PDE7B: variants seen among roughly 807,000 people sequenced by gnomAD.
PDE7B encodes phosphodiesterase 7B, also known as 3',5'-cyclic-AMP phosphodiesterase 7B.
Under a neutral mutation model 56.2 loss-of-function variants are expected in PDE7B, and 29 were observed. That is an observed-to-expected ratio of 0.52 (90% confidence interval 0.38 to 0.70). The LOEUF is 0.70. PDE7B is among the 30% of genes least tolerant of loss of function. The pLI, the probability that PDE7B is intolerant of heterozygous loss-of-function variation, is 0.00. For missense variants in PDE7B, 490 were observed against 565.0 expected, an observed-to-expected ratio of 0.87 and a Z score of 1.35; for synonymous variants, 197 against 196.9, an observed-to-expected ratio of 1.00 and a Z score of 0.00.
intron 2 of PDE7B, among the ~76,000 whole-genome samples, chr6:136,032,876 C>T (rs1776265208): frequency 6.6e-6 from 1 of 152,094 alleles, no homozygotes; most frequent in Non-Finnish European, 1.5e-5. Flanking sequence ...GCCATCATAC[C>T]CATTTATAGA....
intron 2 of PDE7B, among the ~76,000 whole-genome samples, chr6:136,040,042 ACT>A (rs1776388741): frequency 6.6e-6 from 1 of 152,140 alleles, no homozygotes; most frequent in African/African-American, 2.4e-5. Context: ...AAAAAGCAAT[ACT>A]CTGGAGAAAA....
intron 1 of PDE7B, among the ~76,000 whole-genome samples, chr6:135,907,168 A>G (rs1179018181): frequency 1.8e-4 from 27 of 152,160 alleles, no homozygotes. Context: ...TGCTTTTTAT[A>G]AAATTCCTGG....
At chr6:136,117,649 T>C (rs1269007375) in intron 3 of PDE7B, among the ~76,000 whole-genome samples, 1 of 152,202 alleles carries the variant, frequency 6.6e-6, no homozygotes, top group African/African-American at 2.4e-5. Flanking sequence ...AATGCCACTA[T>C]ATCTAACAAC....
chr6:135,929,249 A>T (rs192305011), intron 1 of PDE7B, among the ~76,000 whole-genome samples: 7 of 149,578 alleles, frequency 4.7e-5, no homozygotes, highest in Non-Finnish European at 1.0e-4. Flanking sequence ...GTTACATCAT[A>T]TTTTTTTTTT....
Position 136,179,924 on chromosome 6 carries a change from T to C in PDE7B, c.948+783T>C, listed in dbSNP as rs1020988994. On this transcript the variant is annotated intron_variant, in intron 10 of 12. Coordinates refer to ENST00000308191, the MANE Select transcript of PDE7B (RefSeq NM_018945.4). ...CCACGGCAAGAAGCCATTTGTGACA[T>C]GACAAATTACATCAGGGCAGAGTGG... Among the ~76,000 whole-genome samples the C allele has an allele frequency of 5.9e-5, 9 of 152,250 alleles. No homozygotes were observed. The South Asian group carries it at 1.7e-3, about 28-fold the overall frequency.
At chr6:135,982,518 G>T (rs1775314993) in intron 2 of PDE7B, among the ~76,000 whole-genome samples, 1 of 152,124 alleles carries the variant, frequency 6.6e-6, no homozygotes, top group Non-Finnish European at 1.5e-5. Flanking sequence ...TGCTAAGGAA[G>T]GGGCAGTCTA....
At chr6:135,926,310 A>T (rs1181833551) in intron 1 of PDE7B, among the ~76,000 whole-genome samples, 2 of 152,040 alleles carry the variant, frequency 1.3e-5, no homozygotes, top group East Asian at 3.9e-4. Flanking sequence ...GATGGTCTCA[A>T]TCTCCTGACC....
intron 2 of PDE7B, among the ~76,000 whole-genome samples, chr6:136,002,165 C>T (rs919687776): frequency 2.2e-4 from 34 of 152,124 alleles, no homozygotes; most frequent in Non-Finnish European, 1.9e-4. Context: ...GATTTTGTCA[C>T]CACCAGGCCT....
At chr6:135,966,653 C>A (rs1203122089) in intron 2 of PDE7B, among the ~76,000 whole-genome samples, 4 of 152,070 alleles carry the variant, frequency 2.6e-5, no homozygotes, top group African/African-American at 9.7e-5. Flanking sequence ...CCCTTTTTGT[C>A]TGAGAACCAT....
intron 2 of PDE7B, among the ~76,000 whole-genome samples, chr6:136,031,505 C>T (rs1288577666): frequency 1.3e-5 from 2 of 151,890 alleles, no homozygotes. Context: ...TTTGGGAGGC[C>T]GAGGCGGGCG....
chr6:136,062,111 G>C (rs1384764376), intron 2 of PDE7B, among the ~76,000 whole-genome samples: 2 of 152,178 alleles, frequency 1.3e-5, no homozygotes, highest in Admixed American at 6.5e-5. Flanking sequence ...ATACTGGAGT[G>C]GTTGTGAACT....
Position 136,004,649 on chromosome 6 carries a change from A to T in PDE7B, c.82+57125A>T, listed in dbSNP as rs1162630952. Among the ~76,000 whole-genome samples the T allele has an allele frequency of 4.6e-5, 7 of 151,866 alleles. No homozygotes were observed. In the South Asian group the frequency reaches 6.2e-4, roughly 14 times the overall value. ...TACCTAGGAATCCAACTTACAAGGG[A>T]TGTGAAGGACCTCTTCAAGGAGAAC... On this transcript the variant is annotated intron_variant, in intron 2 of 12. Transcript: ENST00000308191.
chr6:136,108,863 GAA>G (rs111919004), intron 3 of PDE7B, 49 bp downstream of exon 3: 11 of 914,766 alleles, frequency 1.2e-5, no homozygotes, highest in East Asian at 3.0e-5. Flanking sequence ...TCTTCAAAAA[GAA>G]AAAAAAAAAT....
intron 2 of PDE7B, among the ~76,000 whole-genome samples, chr6:135,979,529 C>G (rs1405186711): frequency 3.3e-5 from 5 of 151,906 alleles, no homozygotes; most frequent in Admixed American, 3.3e-4. Flanking sequence ...GGTTGGTAAG[C>G]TATTGATTAT....
intron 3 of PDE7B, among the ~76,000 whole-genome samples, chr6:136,127,498 T>C (rs1778043051): frequency 6.6e-6 from 1 of 152,246 alleles, no homozygotes; most frequent in Non-Finnish European, 1.5e-5. Context: ...CTAAGGCTAT[T>C]ATCAGTAATA....
chr6:136,164,173 T>C (rs1026906736), intron 8 of PDE7B, among the ~76,000 whole-genome samples: 1 of 152,170 alleles, frequency 6.6e-6, no homozygotes, highest in Non-Finnish European at 1.5e-5. Context: ...TGGGGAGGCC[T>C]CAGGAAACTT....
intron 1 of PDE7B, among the ~76,000 whole-genome samples, chr6:135,914,338 C>T (rs1455973541): frequency 6.6e-6 from 1 of 151,790 alleles, no homozygotes; most frequent in African/African-American, 2.4e-5. Context: ...AGAAAGTTCC[C>T]TGTGCTCATT....
At chr6:136,113,178 G>A (rs529092880) in intron 3 of PDE7B, among the ~76,000 whole-genome samples, 22 of 152,244 alleles carry the variant, frequency 1.4e-4, no homozygotes, top group African/African-American at 4.1e-4. Context: ...AAATAAGTAC[G>A]TGAGGTAATG....
intron 2 of PDE7B, chr6:136,096,131 G>A (rs1777468002): frequency 6.6e-6 from 1 of 152,260 alleles, no homozygotes; most frequent in Non-Finnish European, 1.5e-5. Context: ...TCCTGGTGCT[G>A]AGTGGGCTCC....
Sources: allele counts gnomAD v4.1 joint callset (sites outside exome capture counted in the v4.1 genomes callset), GRCh38; gene constraint gnomAD v4.1.1; transcripts MANE v1.5; gene names NCBI Gene and HGNC (gene_info 2026-07-23, HGNC 2026-07-21).